The following PRDM1 variants were observed in gnomAD, a reference collection of about 807,000 sequenced individuals.
PRDM1 encodes PR/SET domain 1, also known as PR domain zinc finger protein 1.
A neutral mutation model predicts 62.8 loss-of-function variants in PRDM1; 13 were observed. The observed-to-expected ratio is 0.21, with a 90% CI of 0.13 to 0.33. The LOEUF (loss-of-function observed/expected upper bound fraction) is 0.33. PRDM1 is among the 10% of genes least tolerant of loss of function. PRDM1 has a pLI of 1.00. For synonymous variants in PRDM1, 396 were observed against 417.6 expected (o/e 0.95, Z 0.63); for missense variants, 895 against 1,058.8 (o/e 0.85, Z 2.15).
At chr6:106,088,961 G>A (rs1471918253) in intron 2 of PRDM1, among the ~76,000 whole-genome samples, 1 of 152,212 alleles carries the variant, frequency 6.6e-6, no homozygotes, top group African/African-American at 2.4e-5. Flanking sequence ...GATGGTATAA[G>A]CCGAGAAAGG....
At position 106,048,999 on chromosome 6, in the gene PRDM1, A is replaced by G. The variant is rs554240925; in HGVS notation, c.-67+285A>G. On this transcript the variant is annotated intron_variant, in intron 1 of 6. Transcript: ENST00000651185. Reference sequence around the variant, plus strand: ...CTCAGCTAATTTTTGTATCTTTAGTAGAGATGGGGTTTTGTCATGTTGTTC... The same window carrying G: ...CTCAGCTAATTTTTGTATCTTTAGTGGAGATGGGGTTTTGTCATGTTGTTC... 1.8e-4 allele frequency among the ~76,000 whole-genome samples: 28 copies of G among 152,158 alleles called. No homozygotes were observed. The South Asian group carries it at 5.2e-3, about 28-fold the overall frequency.
chr6:106,060,495 C>T (rs989722642), intron 1 of PRDM1, among the ~76,000 whole-genome samples: 3 of 151,800 alleles, frequency 2.0e-5, no homozygotes, highest in Admixed American at 6.6e-5. Context: ...ATAACTCACT[C>T]GAGTACTAGG....
rs1476865823 is a variant in PRDM1, at chr6:106,109,155, C to CA, written c.*1670dup. 4.7e-6 allele frequency: 1 copy of CA among 210,824 alleles called. No individual in the cohort carries two copies. Among genetic ancestry groups the CA allele is most frequent in the Non-Finnish European group, 9.5e-6 (1 of 104,748 alleles). 13.1% of individuals were successfully genotyped at this position (210,824 alleles called of 1,614,324 possible). On this transcript the variant is annotated 3_prime_UTR_variant, in exon 7 of 7. Coordinates refer to ENST00000369096, the MANE Select transcript of PRDM1 (RefSeq NM_001198.4). ...GACTTTGCTTAATACTTGGTGACCTCACAATCACGTCGGTATGATTGGGCA... is the reference window on the plus strand; with the variant it reads ...GACTTTGCTTAATACTTGGTGACCTCAACAATCACGTCGGTATGATTGGGCA...
intron 1 of PRDM1, among the ~76,000 whole-genome samples, chr6:106,065,383 C>T (rs1015336427): frequency 6.6e-5 from 10 of 151,994 alleles, no homozygotes; most frequent in African/African-American, 2.2e-4. Context: ...AGAGCCAGGC[C>T]CTAGGTGACA....
chr6:106,092,171 C>T (rs186027830), intron 2 of PRDM1, among the ~76,000 whole-genome samples: 1 of 126,316 alleles, frequency 7.9e-6, no homozygotes, highest in African/African-American at 2.9e-5. Context: ...TCCTTGTTAT[C>T]AGCCTTCCAT....
intron 1 of PRDM1, among the ~76,000 whole-genome samples, chr6:106,033,461 A>G (rs1197001849): frequency 6.6e-6 from 1 of 151,818 alleles, no homozygotes; most frequent in Non-Finnish European, 1.5e-5. Context: ...GAGATTATGT[A>G]TAATATTTCT....
chr6:106,065,863 T>C (rs771813347), intron 1 of PRDM1, among the ~76,000 whole-genome samples: 3 of 152,226 alleles, frequency 2.0e-5, no homozygotes, highest in Non-Finnish European at 4.4e-5. Context: ...GGATTTGTCC[T>C]GCTGTACTTG....
intron 1 of PRDM1, among the ~76,000 whole-genome samples, chr6:106,072,944 A>G (rs1773542185): frequency 6.6e-6 from 1 of 152,128 alleles, no homozygotes; most frequent in Admixed American, 6.6e-5. Flanking sequence ...ATGATGTTAC[A>G]AGGGAGTAGT....
intron 1 of PRDM1, among the ~76,000 whole-genome samples, chr6:106,052,945 C>CA (rs1247417370): frequency 2.6e-5 from 4 of 151,218 alleles, no homozygotes; most frequent in Admixed American, 2.0e-4. Flanking sequence ...CCAGCCTGTA[C>CA]AACAGAGTGA....
At chr6:106,092,944 C>G (rs1239651621) in intron 2 of PRDM1, among the ~76,000 whole-genome samples, 1 of 152,148 alleles carries the variant, frequency 6.6e-6, no homozygotes, top group Non-Finnish European at 1.5e-5. Context: ...CCCTATAGCA[C>G]TGTATGTAAT....
intron 2 of PRDM1, among the ~76,000 whole-genome samples, chr6:106,092,698 T>A (rs776130969): frequency 1.6e-4 from 24 of 152,128 alleles, no homozygotes; most frequent in Non-Finnish European, 2.8e-4. Context: ...TTTTTTCACT[T>A]CCCTTTAAAA....
At chr6:106,094,878 G>C (rs1288959421) in intron 2 of PRDM1, among the ~76,000 whole-genome samples, 4 of 151,100 alleles carry the variant, frequency 2.6e-5, no homozygotes, top group African/African-American at 9.7e-5. Context: ...ATTCCAGCCT[G>C]AGTGATAGTG....
At position 106,086,551 on chromosome 6, in the gene PRDM1, C is replaced by G; in HGVS notation, c.-3C>G. On this transcript the variant is annotated 5_prime_UTR_variant, in exon 1 of 7. Coordinates refer to ENST00000369096, the MANE Select transcript of PRDM1 (RefSeq NM_001198.4). Reference sequence around the variant, plus strand: ...GGGTAGAGATGAACGAGACTTTTCTCAGATGTTGGATATTTGCTTGGAAAA... The same window carrying G: ...GGGTAGAGATGAACGAGACTTTTCTGAGATGTTGGATATTTGCTTGGAAAA... 3 of 1,551,610 alleles carry G rather than the reference C, an allele frequency of 1.9e-6. No individual in the cohort carries two copies. The highest frequency in any genetic ancestry group is 1.7e-6 in the Non-Finnish European group (2 of 1,146,726).
chr6:106,068,096 C>CT (rs201806827), intron 1 of PRDM1, among the ~76,000 whole-genome samples: 12,302 of 145,172 alleles, frequency 0.085, 719 homozygotes, highest in East Asian at 0.26. Context: ...CCACCCTGTT[C>CT]TTTTTTTTTT....
At chr6:106,072,125 G>A (rs1290892954) in intron 1 of PRDM1, 1 of 152,142 alleles carries the variant, frequency 6.6e-6, no homozygotes, top group Admixed American at 6.5e-5. Context: ...CTGGGCTTTT[G>A]CAGTTGTGTT....
upstream of PRDM1, among the ~76,000 whole-genome samples, chr6:106,085,574 G>A (rs545658604): frequency 1.3e-5 from 2 of 152,162 alleles, no homozygotes; most frequent in Non-Finnish European, 2.9e-5. Flanking sequence ...AAGCTGGCCG[G>A]GGCTCAGAAT....
intron 1 of PRDM1, among the ~76,000 whole-genome samples, chr6:106,002,321 A>G (rs892012290): frequency 6.6e-6 from 1 of 152,158 alleles, no homozygotes; most frequent in East Asian, 1.9e-4. Context: ...TTTTTAATTT[A>G]ATGTTTAACT....
chr6:106,086,726 C>T (rs776504368), intron 1 of PRDM1, 131 bp downstream of exon 1: 4 of 753,842 alleles, frequency 5.3e-6, no homozygotes, highest in Non-Finnish European at 8.5e-6. Flanking sequence ...TGCTTTAGTG[C>T]ACTTAGTGCT....
At chr6:106,098,994 TGG>T in intron 3 of PRDM1, 4 of 1,583,194 alleles carry the variant, frequency 2.5e-6, no homozygotes, top group Non-Finnish European at 3.4e-6. Flanking sequence ...TACTCTGTGG[TGG>T]GTTAATCGGT....
Sources: gnomAD v4.1 joint callset for allele counts (sites outside exome capture counted in the v4.1 genomes callset) on GRCh38, gnomAD v4.1.1 for gene constraint, MANE v1.5 for transcripts, NCBI Gene and HGNC (gene_info 2026-07-23, HGNC 2026-07-21) for gene names.